NTRK3: variants seen among roughly 807,000 people sequenced by gnomAD.
NTRK3 encodes the protein NT-3 growth factor receptor.
A neutral mutation model predicts 91.7 loss-of-function variants in NTRK3; 24 were observed. That is an observed-to-expected ratio of 0.26 (90% CI 0.19 to 0.37). The LOEUF (loss-of-function observed/expected upper bound fraction) is 0.37, where lower values mean the gene tolerates loss of function less well. Among genes scored for constraint, NTRK3 ranks in the 10% least tolerant of loss-of-function variants. The pLI, the probability that NTRK3 is intolerant of heterozygous loss-of-function variation, is 1.00. For synonymous variants in NTRK3, 483 were observed against 404.0 expected (o/e 1.20, Z -2.34); for missense variants, 880 against 1,068.9 (o/e 0.82, Z 2.46).
chr15:88,060,405 T>C lies in NTRK3; in HGVS notation c.1397-27360A>G, dbSNP rs868351519. Among the ~76,000 whole-genome samples the C allele has an allele frequency of 6.9e-3, 849 of 122,904 alleles. 12 individuals carry two copies. Among genetic ancestry groups the C allele is most frequent in the Middle Eastern group, 0.05 (12 of 238 alleles). 80.6% of individuals were successfully genotyped at this position (122,904 alleles called of 152,430 possible). On this transcript the variant is annotated intron_variant, in intron 13 of 18. Transcript: ENST00000394480. The stretch of plus-strand genomic sequence containing the variant: ...TCTCAAAAAAAAAAAAAAAAAAAAG[T>C]AGGGGGCCCTGAGACCATCTCAGGG...
intron 14 of NTRK3, among the ~76,000 whole-genome samples, chr15:88,018,104 A>G (rs1483521746): frequency 1.3e-5 from 2 of 152,230 alleles, no homozygotes; most frequent in Non-Finnish European, 2.9e-5. Context: ...ACTTGGATCC[A>G]AGGACTTCTG....
chr15:88,118,694 T>C (rs760524306), intron 13 of NTRK3, among the ~76,000 whole-genome samples: 9 of 152,250 alleles, frequency 5.9e-5, no homozygotes, highest in Non-Finnish European at 1.2e-4. Flanking sequence ...GTAAAATTAC[T>C]GTGAGAGCCA....
chr15:88,228,957 C>A (rs9646226), intron 3 of NTRK3, among the ~76,000 whole-genome samples: 197 of 151,560 alleles, frequency 1.3e-3, no homozygotes, highest in Non-Finnish European at 2.1e-3. Flanking sequence ...GGGGAGCTCC[C>A]TCCTTTGCTG....
chr15:88,037,883 G>C (rs1410721743), intron 13 of NTRK3, among the ~76,000 whole-genome samples: 1 of 152,124 alleles, frequency 6.6e-6, no homozygotes, highest in African/African-American at 2.4e-5. Flanking sequence ...TTAAAGACGG[G>C]GGCATTACAG....
chr15:88,114,730 G>T (rs2051844147), intron 13 of NTRK3, among the ~76,000 whole-genome samples: 1 of 152,120 alleles, frequency 6.6e-6, no homozygotes, highest in Admixed American at 6.5e-5. Flanking sequence ...TCTAAGTAAT[G>T]GTTATCCCAG....
At chr15:88,128,602 G>A in intron 11 of NTRK3, 109 bp downstream of exon 11, 5 of 1,183,400 alleles carry the variant, frequency 4.2e-6, no homozygotes, top group Non-Finnish European at 5.1e-6. Flanking sequence ...GCCCTCAGCT[G>A]CCATGGGCCA....
chr15:88,036,410 GAAATCTACACCTAAA>G (rs1377197685), intron 13 of NTRK3, among the ~76,000 whole-genome samples: 1 of 145,262 alleles, frequency 6.9e-6, no homozygotes, highest in Non-Finnish European at 1.5e-5. Context: ...TTTTAACCTG[GAAATCTACACCTAAA>G]AAAAAAAAAA....
intron 14 of NTRK3, among the ~76,000 whole-genome samples, chr15:87,990,236 A>G (rs748278896): frequency 6.6e-5 from 10 of 152,264 alleles, no homozygotes; most frequent in Admixed American, 1.3e-4. Context: ...AGGAACCCAG[A>G]TAGGGGTCAG....
chr15:88,167,740 A>G (rs59547822), intron 5 of NTRK3, among the ~76,000 whole-genome samples: 8,509 of 152,176 alleles, frequency 0.056, 715 homozygotes, highest in African/African-American at 0.18. Flanking sequence ...CCAGGCCCCA[A>G]GCAGATGCAT....
intron 17 of NTRK3, among the ~76,000 whole-genome samples, chr15:87,912,508 C>A (rs1444844449): frequency 6.6e-6 from 1 of 152,200 alleles, no homozygotes; most frequent in African/African-American, 2.4e-5. Flanking sequence ...AGCCCATTGA[C>A]CTCATAGCAC....
intron 13 of NTRK3, among the ~76,000 whole-genome samples, chr15:88,050,988 A>G (rs972805817): frequency 1.3e-5 from 2 of 152,248 alleles, no homozygotes; most frequent in African/African-American, 4.8e-5. Context: ...CAGAATTTTC[A>G]TCAAATTTAC....
chr15:88,100,420 C>G (rs1020758274), intron 13 of NTRK3, among the ~76,000 whole-genome samples: 4 of 152,146 alleles, frequency 2.6e-5, no homozygotes, highest in African/African-American at 9.7e-5. Context: ...AACAACTGAG[C>G]TGGCAGCCAG....
chr15:88,099,292 A>ATG, intron 13 of NTRK3: 1 of 220,326 alleles, frequency 4.5e-6, no homozygotes. Flanking sequence ...AGGGAAAAGG[A>ATG]AAACATGGTC....
intron 17 of NTRK3, among the ~76,000 whole-genome samples, chr15:87,898,991 C>A (rs1057437443): frequency 2.0e-5 from 3 of 152,092 alleles, no homozygotes; most frequent in Admixed American, 6.6e-5. Flanking sequence ...TATAAGCGAA[C>A]AATACTACTA....
chr15:87,900,297 A>T (rs1194302377), intron 17 of NTRK3, among the ~76,000 whole-genome samples: 1 of 152,166 alleles, frequency 6.6e-6, no homozygotes, highest in African/African-American at 2.4e-5. Context: ...GGAAAGGGGC[A>T]TCTATTAACC....
chr15:88,145,644 A>G (rs1005066177), intron 6 of NTRK3, among the ~76,000 whole-genome samples: 20 of 152,336 alleles, frequency 1.3e-4, no homozygotes, highest in African/African-American at 3.8e-4. Flanking sequence ...TTCACATCCA[A>G]TAATTTTTTA....
At chr15:88,080,353 T>G (rs1567354375) in intron 13 of NTRK3, among the ~76,000 whole-genome samples, 2 of 152,204 alleles carry the variant, frequency 1.3e-5, no homozygotes, top group South Asian at 2.1e-4. Context: ...AGCCCCCTTT[T>G]CTCTATATCT....
At chr15:88,191,087 C>T (rs2151673320) in intron 3 of NTRK3, among the ~76,000 whole-genome samples, 1 of 152,124 alleles carries the variant, frequency 6.6e-6, no homozygotes, top group South Asian at 2.1e-4. Context: ...TTCACATTTA[C>T]ATGGCGGTAC....
chr15:87,937,435 T>C (rs1346484426), intron 15 of NTRK3, among the ~76,000 whole-genome samples: 2 of 151,942 alleles, frequency 1.3e-5, no homozygotes, highest in African/African-American at 4.8e-5. Flanking sequence ...ATTGGGAAAA[T>C]AGTAAAAATC....
Sources: allele counts gnomAD v4.1 joint callset (sites outside exome capture counted in the v4.1 genomes callset), GRCh38; gene constraint gnomAD v4.1.1; transcripts MANE v1.5; gene names NCBI Gene and HGNC (gene_info 2026-07-23, HGNC 2026-07-21).